The following PCDH15 variants were observed in gnomAD, a reference collection of about 807,000 sequenced individuals.
The protein encoded by PCDH15 is protocadherin-15.
PCDH15 carries 129 observed loss-of-function variants against 178.5 expected under a neutral mutation model. That is an observed-to-expected ratio of 0.72 (90% CI 0.63 to 0.84). PCDH15 has a LOEUF of 0.84. Among genes scored for constraint, PCDH15 ranks in the 40% least tolerant of loss-of-function variants. PCDH15 has a pLI of 0.00. For synonymous variants in PCDH15, 800 were observed against 732.0 expected (o/e 1.09, Z -1.50); for missense variants, 2,230 against 2,099.9 (o/e 1.06, Z -1.21).
chr10:54,980,766 G>T (rs181430814), intron 2 of PCDH15, among the ~76,000 whole-genome samples: 4 of 151,282 alleles, frequency 2.6e-5, no homozygotes, highest in African/African-American at 7.3e-5. Context: ...TCAAATTTAG[G>T]TGTATTTTTC....
At chr10:53,994,331 T>A (rs1011308305) in intron 21 of PCDH15, among the ~76,000 whole-genome samples, 2 of 152,184 alleles carry the variant, frequency 1.3e-5, no homozygotes, top group Admixed American at 6.5e-5. Flanking sequence ...CTGATGAAAA[T>A]TTTTTTTAAA....
chr10:54,693,706 T>C (rs76105112), intron 1 of PCDH15, among the ~76,000 whole-genome samples: 1 of 152,002 alleles, frequency 6.6e-6, no homozygotes, highest in African/African-American at 2.4e-5. Flanking sequence ...ACTCTCTAAG[T>C]ATAGGTTTGA....
rs142158601 is a variant in PCDH15 at position 53,821,765 on chromosome 10, A to G, written c.4368-1535T>C. 2.3e-3 allele frequency: 3,564 copies of G among 1,577,242 alleles called. 15 individuals are homozygous for G. Among genetic ancestry groups the G allele is most frequent in the Non-Finnish European group, 2.3e-3 (2,722 of 1,170,364 alleles). ...TGCATTTCATTGAATTTGGGGTAAA[A>G]TAATAGAGTCTTCTTTGACGTTCAA... On this transcript the variant is annotated intron_variant, in intron 32 of 37. Transcript: ENST00000644397.
rs59834221 is a variant in PCDH15, at chr10:53,888,317, T to TATATAC, written c.3501+14925_3501+14926insGTATAT. ...ATATATATATATATATATGTATATA[T>TATATAC]GTACGTATATATATGTACGTATATA... is the stretch of plus-strand genomic sequence containing the variant. On this transcript the variant is annotated intron_variant, in intron 26 of 37. Coordinates refer to ENST00000644397, the MANE Select transcript of PCDH15 (RefSeq NM_001384140.1). Among the ~76,000 whole-genome samples the TATATAC allele has an allele frequency of 4.7e-5, 5 of 106,396 alleles. No individual in the cohort carries two copies. In the East Asian group the frequency reaches 1.3e-3, roughly 27 times the overall value. 69.8% of individuals were successfully genotyped at this position (106,396 alleles called of 152,430 possible).
intron 2 of PCDH15, among the ~76,000 whole-genome samples, chr10:55,429,311 T>C (rs1343382419): frequency 1.3e-5 from 2 of 152,118 alleles, no homozygotes; most frequent in Non-Finnish European, 2.9e-5. Context: ...ACGTCATTGT[T>C]CCACTTTGTT....
At chr10:54,481,407 A>G (rs976808481) in intron 3 of PCDH15, among the ~76,000 whole-genome samples, 3 of 151,240 alleles carry the variant, frequency 2.0e-5, no homozygotes, top group Admixed American at 1.3e-4. Context: ...TGATAAATAT[A>G]TGTGTGTGTG....
intron 2 of PCDH15, among the ~76,000 whole-genome samples, chr10:55,407,087 G>A (rs982203524): frequency 6.6e-6 from 1 of 152,154 alleles, no homozygotes; most frequent in African/African-American, 2.4e-5. Context: ...TGGTAGCAAT[G>A]AAAGCCTGAT....
intron 2 of PCDH15, among the ~76,000 whole-genome samples, chr10:55,443,589 A>T (rs59887765): frequency 6.6e-6 from 1 of 151,940 alleles, no homozygotes; most frequent in Non-Finnish European, 1.5e-5. Flanking sequence ...GCAAGATACC[A>T]TCTTGCTCCA....
intron 13 of PCDH15, among the ~76,000 whole-genome samples, chr10:54,161,590 C>A (rs1341522871): frequency 1.0e-5 from 1 of 97,084 alleles, no homozygotes; most frequent in Non-Finnish European, 2.2e-5. Flanking sequence ...TGACCCCCCA[C>A]CCCCACCCCA....
At chr10:55,263,554 G>A (rs1269680288) in intron 1 of PCDH15, among the ~76,000 whole-genome samples, 1 of 151,978 alleles carries the variant, frequency 6.6e-6, no homozygotes, top group African/African-American at 2.4e-5. Flanking sequence ...AAGCCCTGGT[G>A]GTAGCCACAA....
intron 3 of PCDH15, among the ~76,000 whole-genome samples, chr10:54,390,882 C>T (rs1438080009): frequency 2.0e-5 from 3 of 152,246 alleles, no homozygotes; most frequent in East Asian, 1.9e-4. Flanking sequence ...TTTCCCATCT[C>T]ATGTCTCAAT....
chr10:54,218,341 T>A (rs2134156234), intron 9 of PCDH15, among the ~76,000 whole-genome samples: 1 of 152,278 alleles, frequency 6.6e-6, no homozygotes, highest in Non-Finnish European at 1.5e-5. Flanking sequence ...TAATTCAACA[T>A]CATCTGCTAT....
chr10:53,910,710 C>A (rs191953924), intron 25 of PCDH15, among the ~76,000 whole-genome samples: 1 of 152,206 alleles, frequency 6.6e-6, no homozygotes. Flanking sequence ...TAATAACAAA[C>A]TTGTCCGAGC....
At chr10:54,701,308 T>C (rs967092651) in intron 1 of PCDH15, among the ~76,000 whole-genome samples, 7 of 151,724 alleles carry the variant, frequency 4.6e-5, no homozygotes, top group African/African-American at 1.7e-4. Flanking sequence ...CTTAAAGGAG[T>C]GTTAAATATG....
chr10:54,478,633 T>C (rs780779748), intron 3 of PCDH15, among the ~76,000 whole-genome samples: 3 of 152,040 alleles, frequency 2.0e-5, no homozygotes, highest in Non-Finnish European at 2.9e-5. Context: ...TTAGTATAAG[T>C]GGTGTTTTGC....
chr10:53,816,985 C>T (rs2076081690), intron 34 of PCDH15, among the ~76,000 whole-genome samples: 1 of 152,128 alleles, frequency 6.6e-6, no homozygotes, highest in South Asian at 2.1e-4. Flanking sequence ...ACAAGATACA[C>T]AATTCAAATT....
At chr10:54,485,494 A>G (rs1002858296) in intron 3 of PCDH15, among the ~76,000 whole-genome samples, 1 of 151,978 alleles carries the variant, frequency 6.6e-6, no homozygotes, top group African/African-American at 2.4e-5. Context: ...AATGCTTGCT[A>G]CATTTCAAAT....
intron 1 of PCDH15, among the ~76,000 whole-genome samples, chr10:55,228,621 A>C (rs1841124520): frequency 6.6e-6 from 1 of 151,992 alleles, no homozygotes; most frequent in Admixed American, 6.6e-5. Context: ...CTCATATTTC[A>C]ATTCAGTATA....
chr10:54,807,082 T>G (rs1350664750), intron 3 of PCDH15, among the ~76,000 whole-genome samples: 1 of 152,194 alleles, frequency 6.6e-6, no homozygotes, highest in Non-Finnish European at 1.5e-5. Context: ...ATAATGCTAG[T>G]GGCCCAGATA....
Sources: allele counts gnomAD v4.1 joint callset (sites outside exome capture counted in the v4.1 genomes callset), GRCh38; gene constraint gnomAD v4.1.1; transcripts MANE v1.5; gene names NCBI Gene and HGNC (gene_info 2026-07-23, HGNC 2026-07-21).